Variants in CRACD observed in about 807,000 individuals in gnomAD.
The protein encoded by CRACD is capping protein inhibiting regulator of actin dynamics.
A neutral mutation model predicts 106.8 loss-of-function variants in CRACD; 56 were observed. The observed-to-expected ratio is 0.52, with a 90% CI of 0.42 to 0.66. CRACD has a LOEUF of 0.66. Ranked by LOEUF, CRACD falls within the 30% of genes least tolerant of loss-of-function variation. The pLI, the probability that CRACD is intolerant of heterozygous loss-of-function variation, is 0.00. For missense variants in CRACD, 1,730 were observed against 1,623.2 expected (o/e 1.07, Z -1.13); for synonymous variants, 754 against 670.8 (o/e 1.12, Z -1.92).
At chr4:56,213,569 G>A (rs1738518396) in intron 2 of CRACD, among the ~76,000 whole-genome samples, 1 of 152,178 alleles carries the variant, frequency 6.6e-6, no homozygotes, top group Admixed American at 6.5e-5. Context: ...CATTCAGAGA[G>A]ACTCCAGTAC....
intron 3 of CRACD, among the ~76,000 whole-genome samples, chr4:56,274,103 TG>T (rs1291855132): frequency 3.3e-5 from 5 of 152,178 alleles, no homozygotes; most frequent in Admixed American, 3.3e-4. Context: ...GGTAAGAAAA[TG>T]ATTTAATTTG....
chr4:56,098,556 G>A (rs557515758), intron 1 of CRACD, among the ~76,000 whole-genome samples: 21 of 152,254 alleles, frequency 1.4e-4, no homozygotes, highest in Middle Eastern at 3.4e-3. Context: ...CAGATTTAAA[G>A]CATTATTCAT....
intron 1 of CRACD, among the ~76,000 whole-genome samples, chr4:56,066,382 A>G (rs1182598641): frequency 6.6e-6 from 1 of 152,104 alleles, no homozygotes; most frequent in Non-Finnish European, 1.5e-5. Context: ...TTGTGGTCAG[A>G]AGCTTATCTA....
intron 2 of CRACD, among the ~76,000 whole-genome samples, chr4:56,183,115 C>T (rs996378608): frequency 6.6e-6 from 1 of 151,524 alleles, no homozygotes; most frequent in Non-Finnish European, 1.5e-5. Flanking sequence ...TGCCTGTAAT[C>T]CCAGCTACTC....
intron 1 of CRACD, among the ~76,000 whole-genome samples, chr4:56,144,874 G>A (rs546113438): frequency 7.2e-5 from 11 of 152,090 alleles, no homozygotes; most frequent in Non-Finnish European, 1.2e-4. Context: ...GGCTGGTCTC[G>A]AACTCCTGAG....
At chr4:56,324,043 G>A in intron 9 of CRACD, 61 bp from the exon 10 acceptor site, 1 of 1,537,520 alleles carries the variant, frequency 6.5e-7, no homozygotes, top group East Asian at 2.3e-5. Context: ...GGCCTGCAGG[G>A]TCAGTCTTTC....
At chr4:56,292,400 A>G (rs1027610636) in intron 3 of CRACD, among the ~76,000 whole-genome samples, 1 of 152,234 alleles carries the variant, frequency 6.6e-6, no homozygotes, top group African/African-American at 2.4e-5. Flanking sequence ...TGAGCCTTAC[A>G]AAGATTTCTA....
At chr4:56,102,158 T>G (rs2109832154) in intron 1 of CRACD, among the ~76,000 whole-genome samples, 1 of 152,340 alleles carries the variant, frequency 6.6e-6, no homozygotes, top group South Asian at 2.1e-4. Flanking sequence ...ACTGCCAAAT[T>G]ATTCTGCTGC....
intron 2 of CRACD, among the ~76,000 whole-genome samples, chr4:56,260,570 T>A (rs1370170000): frequency 6.6e-6 from 1 of 152,220 alleles, no homozygotes; most frequent in Non-Finnish European, 1.5e-5. Context: ...AATTGAGCTC[T>A]TGTGAATGTA....
chr4:56,303,111 G>A (rs562990060), intron 4 of CRACD, among the ~76,000 whole-genome samples: 3 of 152,266 alleles, frequency 2.0e-5, no homozygotes, highest in East Asian at 1.9e-4. Context: ...CTGGGAGGTC[G>A]AGGTGGGTGG....
intron 2 of CRACD, among the ~76,000 whole-genome samples, chr4:56,250,828 T>C (rs975256987): frequency 1.3e-5 from 2 of 152,246 alleles, no homozygotes; most frequent in East Asian, 1.9e-4. Flanking sequence ...TACAGTATAC[T>C]AATATTACTA....
chr4:56,116,536 T>C (rs556445317), intron 1 of CRACD, among the ~76,000 whole-genome samples: 43 of 152,330 alleles, frequency 2.8e-4, no homozygotes, highest in Middle Eastern at 3.4e-3. Context: ...TTAAAAGGAC[T>C]GGATGTTCAC....
At chr4:56,096,065 A>C (rs1407658730) in intron 1 of CRACD, among the ~76,000 whole-genome samples, 1 of 152,168 alleles carries the variant, frequency 6.6e-6, no homozygotes, top group Non-Finnish European at 1.5e-5. Flanking sequence ...GGAGGATTGT[A>C]GAAGGAGCAG....
chr4:56,136,728 T>G (rs1577685729), intron 1 of CRACD, among the ~76,000 whole-genome samples: 1 of 152,368 alleles, frequency 6.6e-6, no homozygotes, highest in East Asian at 1.9e-4. Context: ...TTCTTAACTG[T>G]ATCTTTTGAA....
rs771783540 is a variant in CRACD, at chr4:56,315,998, C to G, written c.2496C>G (p.Asp832Glu). ...CTGCAAACGGGATAGCAAAGCCAGA[C>G]CCTGTGATGCCAGGTGGAGAGGAAA... is the stretch of plus-strand genomic sequence containing the variant. ...SETANGIAKP[D>E]PVMPGGEEKA... Residue 832 changes from aspartate (D) to glutamate (E), a missense_variant, in exon 8 of 11, where the codon GAC (aspartate) becomes GAG (glutamate). By Grantham distance (45) the Asp-to-Glu change is conservative (BLOSUM62 2). Transcript: ENST00000682029. The surrounding 1 kb of genome is among the most constrained non-coding windows in gnomAD (Gnocchi z 4.1). The G allele has an allele frequency of 1.2e-6, 2 of 1,614,254 alleles. No homozygotes were observed. The highest frequency in any genetic ancestry group is 2.2e-5 in the South Asian group (2 of 91,090).
rs138927966 is a variant in CRACD at position 56,297,006 on chromosome 4, G to A, written c.-16-1208G>A. Among the ~76,000 whole-genome samples, 751 of 149,952 alleles carry A rather than the reference G, an allele frequency of 5.0e-3. 9 individuals carry two copies. Among genetic ancestry groups the A allele is most frequent in the African/African-American group, 0.018 (724 of 40,380 alleles). The stretch of plus-strand genomic sequence containing the variant: ...GCAATCTTGGCTCACTGCAATCCCC[G>A]CCTCCCGGGTTCAAGCGATTCTCCC... On this transcript the variant is annotated intron_variant, in intron 3 of 10. Coordinates refer to ENST00000682029, the MANE Select transcript of CRACD (RefSeq NM_001393381.1).
At chr4:56,286,877 A>G (rs763306371) in intron 3 of CRACD, among the ~76,000 whole-genome samples, 9 of 152,196 alleles carry the variant, frequency 5.9e-5, no homozygotes, top group Non-Finnish European at 1.2e-4. Context: ...TAATAAAAAT[A>G]AAAGCTTCAC....
chr4:56,099,416 G>A (rs1733710889), intron 1 of CRACD, among the ~76,000 whole-genome samples: 1 of 152,038 alleles, frequency 6.6e-6, no homozygotes, highest in Admixed American at 6.6e-5. Context: ...GGTATGACTT[G>A]GCCAAAACCA....
chr4:56,107,212 C>T (rs903732050), intron 1 of CRACD, among the ~76,000 whole-genome samples: 2 of 152,104 alleles, frequency 1.3e-5, no homozygotes, highest in African/African-American at 4.8e-5. Context: ...AACTCCTAGC[C>T]TCAAATGATC....
Sources: allele counts gnomAD v4.1 joint callset (sites outside exome capture counted in the v4.1 genomes callset), GRCh38; gene constraint gnomAD v4.1.1; non-coding constraint Gnocchi (gnomAD v3.1); transcripts MANE v1.5; gene names NCBI Gene and HGNC (gene_info 2026-07-23, HGNC 2026-07-21).